RALYL: variants seen among roughly 807,000 people sequenced by gnomAD.
RALYL encodes the protein RNA-binding Raly-like protein.
RALYL carries 29 observed loss-of-function variants against 35.1 expected under a neutral mutation model. The ratio of observed to expected loss-of-function variants is 0.83; its 90% CI spans 0.61 to 1.13. The LOEUF (loss-of-function observed/expected upper bound fraction) is 1.13. Among genes scored for constraint, RALYL ranks in the 50% most tolerant of loss-of-function variants. The pLI, the probability that RALYL is intolerant of heterozygous loss-of-function variation, is 0.00. For synonymous variants in RALYL, 120 were observed against 127.6 expected (o/e 0.94, Z 0.40); for missense variants, 359 against 360.4 (o/e 1.00, Z 0.03).
At chr8:84,397,185 T>A (rs1156312252) in intron 1 of RALYL, among the ~76,000 whole-genome samples, 1 of 152,116 alleles carries the variant, frequency 6.6e-6, no homozygotes. Context: ...CCTTCTGGGA[T>A]CTGGAAAAGG....
intron 1 of RALYL, among the ~76,000 whole-genome samples, chr8:84,315,292 A>G (rs893916398): frequency 1.3e-5 from 2 of 152,188 alleles, no homozygotes; most frequent in Non-Finnish European, 2.9e-5. Context: ...GCAGCTTTCA[A>G]AAGGATTGAT....
In RALYL at chr8:84,840,155, C is replaced by A. The variant is rs191921268; in HGVS notation, c.366-9825C>A. ...CGAGTTGAGAGAATAAGGCTTCAGA[C>A]GATCAAACTACTCCGAGCTAAAGGA... On this transcript the variant is annotated intron_variant, in intron 4 of 8. Coordinates refer to ENST00000521268, the MANE Select transcript of RALYL (RefSeq NM_173848.7). 5.3e-5 allele frequency among the ~76,000 whole-genome samples: 8 copies of A among 151,716 alleles called. No individual in the cohort carries two copies. In the South Asian group the frequency reaches 1.7e-3, roughly 32 times the overall value.
intron 1 of RALYL, among the ~76,000 whole-genome samples, chr8:84,282,985 T>C (rs961305752): frequency 1.3e-5 from 2 of 151,768 alleles, no homozygotes; most frequent in African/African-American, 2.4e-5. Context: ...GATAAGATAA[T>C]CCACATGGAA....
intron 2 of RALYL, among the ~76,000 whole-genome samples, chr8:84,670,341 C>T (rs1285402946): frequency 3.3e-5 from 5 of 152,128 alleles, no homozygotes; most frequent in South Asian, 4.1e-4. Flanking sequence ...GAACACAATA[C>T]TTGTACACAA....
chr8:84,403,522 C>CTTTTT (rs2043136000), intron 1 of RALYL, among the ~76,000 whole-genome samples: 2 of 52,118 alleles, frequency 3.8e-5, no homozygotes, highest in African/African-American at 6.8e-5. Flanking sequence ...GTCTATATCT[C>CTTTTT]TGTTTTTTTT....
chr8:84,477,193 A>G (rs967884553), intron 1 of RALYL, among the ~76,000 whole-genome samples: 6 of 152,058 alleles, frequency 3.9e-5, no homozygotes, highest in African/African-American at 1.4e-4. Flanking sequence ...AGCTGTATTC[A>G]TCATTTTGAC....
intron 1 of RALYL, among the ~76,000 whole-genome samples, chr8:84,327,519 C>A (rs1176622812): frequency 1.3e-5 from 2 of 152,112 alleles, no homozygotes; most frequent in African/African-American, 2.4e-5. Flanking sequence ...ATCTGGCCTG[C>A]TACCTCTTTT....
intron 1 of RALYL, among the ~76,000 whole-genome samples, chr8:84,330,860 AG>A (rs1243660698): frequency 6.6e-6 from 1 of 152,064 alleles, no homozygotes; most frequent in African/African-American, 2.4e-5. Context: ...AGCATGAGCA[AG>A]GGTGGTGTAT....
At chr8:84,238,301 G>A (rs1276884901) in intron 1 of RALYL, among the ~76,000 whole-genome samples, 3 of 151,858 alleles carry the variant, frequency 2.0e-5, no homozygotes, top group African/African-American at 7.3e-5. Context: ...TATTATGAGG[G>A]AAATTATTTT....
In RALYL at chr8:84,572,092, T is replaced by G. The variant is rs143383993; in HGVS notation, c.256+42515T>G. On this transcript the variant is annotated intron_variant, in intron 2 of 8. Coordinates refer to ENST00000521268, the MANE Select transcript of RALYL (RefSeq NM_173848.7). Reference sequence around the variant, plus strand: ...TGCCTTTGTTGGGCAGAATATTCTGTAAATGTCCATTGGGTCCACTTGGTT... The same window carrying G: ...TGCCTTTGTTGGGCAGAATATTCTGGAAATGTCCATTGGGTCCACTTGGTT... Among the ~76,000 whole-genome samples, 818 of 152,008 alleles carry G rather than the reference T, an allele frequency of 5.4e-3. 8 individuals carry two copies. The highest frequency in any genetic ancestry group is 0.017 in the African/African-American group (720 of 41,540).
chr8:84,693,068 T>C (rs750957249), intron 2 of RALYL, among the ~76,000 whole-genome samples: 1 of 152,008 alleles, frequency 6.6e-6, no homozygotes, highest in Non-Finnish European at 1.5e-5. Context: ...ATTTGTGTGG[T>C]TTTAAATTAT....
chr8:84,524,480 G>A (rs2058723439), intron 1 of RALYL, among the ~76,000 whole-genome samples: 1 of 152,110 alleles, frequency 6.6e-6, no homozygotes, highest in African/African-American at 2.4e-5. Flanking sequence ...TGGAGAAATA[G>A]GAACACTTTT....
Position 84,674,834 on chromosome 8 carries a change from G to T in RALYL, c.257-99745G>T, listed in dbSNP as rs1833892676. Among the ~76,000 whole-genome samples, 3 of 152,222 alleles carry T rather than the reference G, an allele frequency of 2.0e-5. No homozygotes were observed. The South Asian group carries it at 6.2e-4, about 32-fold the overall frequency. On this transcript the variant is annotated intron_variant, in intron 2 of 8. Transcript: ENST00000521268. ...GAAATCCAAGATTACAGAACACTTAGAAGAAGGTACATTTCTTATATTTTT... is the reference window on the plus strand; with the variant it reads ...GAAATCCAAGATTACAGAACACTTATAAGAAGGTACATTTCTTATATTTTT...
At chr8:84,725,163 G>T (rs956510107) in intron 2 of RALYL, among the ~76,000 whole-genome samples, 1 of 151,540 alleles carries the variant, frequency 6.6e-6, no homozygotes, top group African/African-American at 2.4e-5. Context: ...TGCTATTCAA[G>T]TGTTTTATGT....
chr8:84,566,060 C>A (rs764671098), intron 2 of RALYL, among the ~76,000 whole-genome samples: 2 of 151,496 alleles, frequency 1.3e-5, no homozygotes, highest in Middle Eastern at 6.8e-3. Flanking sequence ...TACTAGTATC[C>A]TTTGATAATG....
At chr8:84,182,836 GGGAAAT>G (rs1811640463), upstream of RALYL, 1 of 152,836 alleles carries the variant, frequency 6.5e-6, no homozygotes. Context: ...TGGGAGGGAT[GGGAAAT>G]GGAAAATCAG....
intron 5 of RALYL, among the ~76,000 whole-genome samples, chr8:84,854,215 G>A (rs1465352796): frequency 6.6e-6 from 1 of 151,970 alleles, no homozygotes; most frequent in Non-Finnish European, 1.5e-5. Context: ...GTCTGGTGGT[G>A]GGCGCCTGTA....
chr8:84,633,709 T>C (rs78553423), intron 2 of RALYL, among the ~76,000 whole-genome samples: 154 of 151,946 alleles, frequency 1.0e-3, no homozygotes, highest in African/African-American at 3.6e-3. Flanking sequence ...TTACTTTTTG[T>C]ATATATGCAA....
intron 1 of RALYL, among the ~76,000 whole-genome samples, chr8:84,317,791 T>C (rs1326542473): frequency 1.3e-5 from 2 of 152,196 alleles, no homozygotes; most frequent in African/African-American, 4.8e-5. Context: ...TGCTTTTTTG[T>C]CTTGGCAATT....
Sources: gnomAD v4.1 joint callset for allele counts (sites outside exome capture counted in the v4.1 genomes callset) on GRCh38, gnomAD v4.1.1 for gene constraint, MANE v1.5 for transcripts, NCBI Gene and HGNC (gene_info 2026-07-23, HGNC 2026-07-21) for gene names.